The following OLA1 variants were observed in gnomAD, a reference collection of about 807,000 sequenced individuals.
OLA1 encodes the protein Obg like ATPase 1, also known as obg-like ATPase 1.
Under a neutral mutation model 48.4 loss-of-function variants are expected in OLA1, and 14 were observed. That is an observed-to-expected ratio of 0.29 (90% confidence interval 0.19 to 0.45). The LOEUF is 0.45. OLA1 is among the 20% of genes least tolerant of loss of function. OLA1 has a pLI of 1.00. For synonymous variants in OLA1, 127 were observed against 150.4 expected, an observed-to-expected ratio of 0.84 and a Z score of 1.14; for missense variants, 325 against 467.1, an observed-to-expected ratio of 0.70 and a Z score of 2.80.
chr2:174,233,152 A>T (rs1688769372), intron 2 of OLA1, among the ~76,000 whole-genome samples: 1 of 152,184 alleles, frequency 6.6e-6, no homozygotes, highest in South Asian at 2.1e-4. Context: ...CTCAAATATG[A>T]ATATACTTAT....
At chr2:174,080,854 T>G in intron 9 of OLA1, 1 of 247,408 alleles carries the variant, frequency 4.0e-6, no homozygotes, top group Non-Finnish European at 7.8e-6. Flanking sequence ...GTCACACAGA[T>G]TAAGCAAGCA....
chr2:174,155,421 A>G (rs1686852226), intron 4 of OLA1, among the ~76,000 whole-genome samples: 1 of 152,230 alleles, frequency 6.6e-6, no homozygotes, highest in Admixed American at 6.5e-5. Flanking sequence ...ACAGCACACA[A>G]TAAGACATTT....
chr2:174,127,282 T>G (rs527924257), intron 5 of OLA1, among the ~76,000 whole-genome samples: 3 of 152,222 alleles, frequency 2.0e-5, no homozygotes, highest in East Asian at 1.9e-4. Context: ...TCTTCCTTAC[T>G]GCTTTTATAA....
intron 4 of OLA1, among the ~76,000 whole-genome samples, chr2:174,150,237 C>T (rs570807002): frequency 5.9e-5 from 9 of 152,250 alleles, no homozygotes; most frequent in Admixed American, 4.6e-4. Flanking sequence ...GGCTACTTAT[C>T]ACCAGAGTGG....
At chr2:174,133,680 A>G (rs1328545226) in intron 5 of OLA1, among the ~76,000 whole-genome samples, 1 of 152,202 alleles carries the variant, frequency 6.6e-6, no homozygotes, top group African/African-American at 2.4e-5. Flanking sequence ...TGTAACCCCA[A>G]CGTAAGTCCA....
intron 5 of OLA1, among the ~76,000 whole-genome samples, chr2:174,137,654 G>C (rs1314796650): frequency 6.6e-6 from 1 of 152,156 alleles, no homozygotes; most frequent in Non-Finnish European, 1.5e-5. Context: ...AGCACTTGCT[G>C]CTTCACCTTG....
intron 7 of OLA1, among the ~76,000 whole-genome samples, chr2:174,105,329 T>C (rs553323126): frequency 2.0e-5 from 3 of 152,128 alleles, no homozygotes; most frequent in East Asian, 1.9e-4. Context: ...AACAATCTTA[T>C]ACTGCACATC....
chr2:174,073,588 CTTTCT>C lies in OLA1; in HGVS notation c.*1833_*1837del, dbSNP rs1262536674. On this transcript the variant is annotated 3_prime_UTR_variant, in exon 11 of 11. Coordinates refer to ENST00000284719, the MANE Select transcript of OLA1 (RefSeq NM_013341.5). ...AATGCAGTTACCTCAAAACTAACTC[CTTTCT>C]TTTATTAATGGTTCTGTTGCACAAT... The C allele has an allele frequency of 2.6e-5, 4 of 152,146 alleles. No individual in the cohort carries two copies. Among genetic ancestry groups the C allele is most frequent in the Non-Finnish European group, 5.9e-5 (4 of 68,020 alleles). 9.4% of individuals were successfully genotyped at this position (152,146 alleles called of 1,614,324 possible).
chr2:174,157,241 T>C (rs1686908076), intron 4 of OLA1, among the ~76,000 whole-genome samples: 1 of 152,170 alleles, frequency 6.6e-6, no homozygotes, highest in Non-Finnish European at 1.5e-5. Context: ...GGCAAATTTC[T>C]GAGATAAGAA....
chr2:174,177,623 G>A (rs555392961), intron 4 of OLA1, among the ~76,000 whole-genome samples: 2 of 152,210 alleles, frequency 1.3e-5, no homozygotes, highest in African/African-American at 4.8e-5. Context: ...TCCAATTTAA[G>A]AGCACTATTA....
chr2:174,106,556 T>G (rs1040014089), intron 7 of OLA1, among the ~76,000 whole-genome samples: 1 of 152,278 alleles, frequency 6.6e-6, no homozygotes, highest in East Asian at 1.9e-4. Context: ...TATTAAAGTT[T>G]GAGAAATTGC....
rs1689117295 is a variant in OLA1, at chr2:174,245,905, A to C, written c.101+810T>G. 3.9e-5 allele frequency among the ~76,000 whole-genome samples: 6 copies of C among 152,024 alleles called. No individual in the cohort carries two copies. The South Asian group carries it at 1.2e-3, about 32-fold the overall frequency. On this transcript the variant is annotated intron_variant, in intron 2 of 10. Transcript: ENST00000284719. ...CAAGACTCCATCTCAAAAAAAAAGA[A>C]GACTTTGAACACTTAAGTTGCGTGT...
intron 3 of OLA1, among the ~76,000 whole-genome samples, chr2:174,229,096 A>C (rs1038691416): frequency 6.6e-6 from 1 of 152,116 alleles, no homozygotes; most frequent in Non-Finnish European, 1.5e-5. Context: ...GGCTGGTCTC[A>C]AACTCCTAAC....
chr2:174,169,576 T>TA (rs1169404831), intron 4 of OLA1, among the ~76,000 whole-genome samples: 2 of 152,206 alleles, frequency 1.3e-5, no homozygotes, highest in Non-Finnish European at 2.9e-5. Flanking sequence ...AAAATATTCT[T>TA]AAAGAATGAA....
chr2:174,088,571 T>C (rs1685034023), intron 7 of OLA1, among the ~76,000 whole-genome samples: 4 of 152,242 alleles, frequency 2.6e-5, no homozygotes, highest in Admixed American at 2.6e-4. Context: ...ATTCAACACA[T>C]CTTTACTTTT....
intron 5 of OLA1, among the ~76,000 whole-genome samples, chr2:174,128,740 AAAAAAAAAAAT>A (rs1480187609): frequency 2.6e-5 from 4 of 151,400 alleles, no homozygotes; most frequent in Non-Finnish European, 5.9e-5. Context: ...TTGTCTCAAA[AAAAAAAAAAAT>A]AAAATAAAAT....
chr2:174,228,298 A>G (rs1378060164), intron 3 of OLA1, among the ~76,000 whole-genome samples: 1 of 152,210 alleles, frequency 6.6e-6, no homozygotes, highest in African/African-American at 2.4e-5. Context: ...CTACATTCAT[A>G]TAATATAGCA....
At chr2:174,199,598 G>A (rs1003970512) in intron 4 of OLA1, among the ~76,000 whole-genome samples, 7 of 151,976 alleles carry the variant, frequency 4.6e-5, no homozygotes, top group Non-Finnish European at 8.8e-5. Flanking sequence ...TGATTTTTTT[G>A]ATACTGTATC....
At chr2:174,130,172 T>C (rs1190109348) in intron 5 of OLA1, among the ~76,000 whole-genome samples, 1 of 152,214 alleles carries the variant, frequency 6.6e-6, no homozygotes, top group Non-Finnish European at 1.5e-5. Context: ...ATGTTTGGGA[T>C]CTCTCTGAAT....
Sources: gnomAD v4.1 joint callset for allele counts (sites outside exome capture counted in the v4.1 genomes callset) on GRCh38, gnomAD v4.1.1 for gene constraint, MANE v1.5 for transcripts, NCBI Gene and HGNC (gene_info 2026-07-23, HGNC 2026-07-21) for gene names.